EFCAB6: variants seen among roughly 807,000 people sequenced by gnomAD.
EFCAB6 encodes the protein EF-hand calcium binding domain 6.
Under a neutral mutation model 169.8 loss-of-function variants are expected in EFCAB6, and 156 were observed. That is an observed-to-expected ratio of 0.92 (90% confidence interval 0.81 to 1.05). EFCAB6 has a LOEUF of 1.05. EFCAB6 is among the 50% of genes least tolerant of loss of function. The probability of loss-of-function intolerance (pLI) is 0.00; values close to 1 mark genes in which losing one functional copy is unlikely to be tolerated. For synonymous variants in EFCAB6, 698 were observed against 676.4 expected, an observed-to-expected ratio of 1.03 and a Z score of -0.50; for missense variants, 1,800 against 1,829.1, an observed-to-expected ratio of 0.98 and a Z score of 0.29.
At chr22:43,785,950 A>T (rs1358255077) in intron 2 of EFCAB6, among the ~76,000 whole-genome samples, 1 of 152,238 alleles carries the variant, frequency 6.6e-6, no homozygotes, top group Non-Finnish European at 1.5e-5. Context: ...TAAAGAAAAA[A>T]CAGAAATCTA....
chr22:43,663,343 C>G (rs2057095434), intron 17 of EFCAB6, among the ~76,000 whole-genome samples: 1 of 152,226 alleles, frequency 6.6e-6, no homozygotes, highest in African/African-American at 2.4e-5. Flanking sequence ...TAAATCCTTT[C>G]TTTCTACTGC....
intron 20 of EFCAB6, among the ~76,000 whole-genome samples, chr22:43,621,766 G>T (rs912822096): frequency 6.6e-6 from 1 of 152,064 alleles, no homozygotes; most frequent in Non-Finnish European, 1.5e-5. Flanking sequence ...TCTTTTAAAA[G>T]ATCTGTGAAA....
intron 26 of EFCAB6, among the ~76,000 whole-genome samples, chr22:43,558,674 A>G (rs958515895): frequency 6.6e-6 from 1 of 152,218 alleles, no homozygotes; most frequent in African/African-American, 2.4e-5. Context: ...GGGACCCTCT[A>G]CTAGCAAAAA....
chr22:43,704,832 G>A (rs2058897235), intron 10 of EFCAB6, among the ~76,000 whole-genome samples: 1 of 151,908 alleles, frequency 6.6e-6, no homozygotes, highest in Non-Finnish European at 1.5e-5. Flanking sequence ...AAGAGAGGAA[G>A]AAAGAAAGAA....
At chr22:43,733,715 C>T (rs561915056) in intron 7 of EFCAB6, among the ~76,000 whole-genome samples, 2 of 152,054 alleles carry the variant, frequency 1.3e-5, no homozygotes, top group Admixed American at 1.3e-4. Context: ...CTCAGTCCCC[C>T]CTTTTTTTCT....
intron 10 of EFCAB6, among the ~76,000 whole-genome samples, chr22:43,689,295 G>C (rs2058315226): frequency 6.6e-6 from 1 of 151,804 alleles, no homozygotes; most frequent in Non-Finnish European, 1.5e-5. Flanking sequence ...GAGTTTCATG[G>C]GGATCAGACG....
chr22:43,673,001 C>T (rs1420595929), intron 13 of EFCAB6, among the ~76,000 whole-genome samples: 1 of 152,104 alleles, frequency 6.6e-6, no homozygotes, highest in South Asian at 2.1e-4. Context: ...GTATTTTTGC[C>T]TATCAGAATG....
chr22:43,657,360 G>C (rs1461418989), intron 17 of EFCAB6, among the ~76,000 whole-genome samples: 1 of 151,804 alleles, frequency 6.6e-6, no homozygotes, highest in Non-Finnish European at 1.5e-5. Context: ...TCAAAGGATA[G>C]ACTGAAGTCA....
chr22:43,753,707 A>G (rs369872558), intron 6 of EFCAB6, among the ~76,000 whole-genome samples: 7 of 152,308 alleles, frequency 4.6e-5, no homozygotes, highest in Admixed American at 6.5e-5. Flanking sequence ...TCATTGCAGA[A>G]GAAAACAATT....
Position 43,528,980 on chromosome 22 carries a change from A to G in EFCAB6, c.4384-5T>C. On this transcript the variant is annotated splice_polypyrimidine_tract_variant and splice_region_variant and intron_variant, in intron 31 of 31. Coordinates refer to ENST00000262726, the MANE Select transcript of EFCAB6 (RefSeq NM_022785.4). ...GATGCTGTACTGTCTCAGGACCTGG[A>G]AGACAGAGAAAAGGGGCCTCTGAGG... 1.9e-6 allele frequency: 3 copies of G among 1,569,546 alleles called. No homozygotes were observed. The highest frequency in any genetic ancestry group is 2.6e-6 in the Non-Finnish European group (3 of 1,145,906).
chr22:43,540,008 T>C (rs938993426), intron 28 of EFCAB6, 119 bp downstream of exon 28: 2 of 1,101,440 alleles, frequency 1.8e-6, no homozygotes, highest in Non-Finnish European at 1.3e-6. Flanking sequence ...CACCCCAGAC[T>C]CACCCGTCTT....
chr22:43,795,819 AACAC>A lies in EFCAB6; in HGVS notation c.-8+13172_-8+13175del, dbSNP rs140641457. ...GCCATTCAGACAGCACTCGCCTCCC[AACAC>A]ACACACACACACACACACTACACAC... On this transcript the variant is annotated intron_variant, in intron 2 of 31. Coordinates refer to ENST00000262726, the MANE Select transcript of EFCAB6 (RefSeq NM_022785.4). The surrounding 1 kb of genome is among the most constrained non-coding windows in gnomAD (Gnocchi z 4.2). Among the ~76,000 whole-genome samples, 130 of 148,884 alleles carry A rather than the reference AACAC, an allele frequency of 8.7e-4. No homozygotes were observed. Among genetic ancestry groups the A allele is most frequent in the South Asian group, 6.0e-3 (28 of 4,700 alleles).
chr22:43,538,085 T>G (rs549614139), intron 28 of EFCAB6, among the ~76,000 whole-genome samples: 15 of 152,298 alleles, frequency 9.8e-5, no homozygotes, highest in Middle Eastern at 3.4e-3. Flanking sequence ...TGACAAGTGG[T>G]TATCTAAATT....
rs1307439138 is a variant in EFCAB6 at position 43,795,448 on chromosome 22, AGC to A, written c.-7-13125_-7-13124del. Among the ~76,000 whole-genome samples, 6 of 152,186 alleles carry A rather than the reference AGC, an allele frequency of 3.9e-5. No individual in the cohort carries two copies. The East Asian group carries it at 1.2e-3, about 29-fold the overall frequency. ...ACCAGTGCCCACTAGGCAGGAGAGG[AGC>A]TGCCTCCTGCCCACATCTCCCCTCT... On this transcript the variant is annotated intron_variant, in intron 2 of 31. Transcript: ENST00000262726. The surrounding 1 kb of genome is among the most constrained non-coding windows in gnomAD (Gnocchi z 4.2).
chr22:43,617,116 G>A lies in EFCAB6; in HGVS notation c.2466-1194C>T, dbSNP rs1032109175. Reference sequence around the variant, plus strand: ...GGACTCTGCAGAATCATGGAATTTCGAGGGTGGAAAGGGATCCAAAGTTCA... The same window carrying A: ...GGACTCTGCAGAATCATGGAATTTCAAGGGTGGAAAGGGATCCAAAGTTCA... On this transcript the variant is annotated intron_variant, in intron 20 of 31. Transcript: ENST00000262726. 9.2e-5 allele frequency among the ~76,000 whole-genome samples: 14 copies of A among 152,324 alleles called. No homozygotes were observed. In the East Asian group the frequency reaches 1.9e-3, roughly 21 times the overall value.
intron 17 of EFCAB6, among the ~76,000 whole-genome samples, chr22:43,647,525 A>G (rs2056236826): frequency 6.6e-6 from 1 of 152,206 alleles, no homozygotes; most frequent in South Asian, 2.1e-4. Context: ...TAAGGGTTAT[A>G]CATTGTTGTC....
intron 22 of EFCAB6, among the ~76,000 whole-genome samples, chr22:43,605,575 G>A (rs367750583): frequency 6.9e-5 from 4 of 58,110 alleles, no homozygotes; most frequent in Admixed American, 2.2e-4. Flanking sequence ...CCTGGGAGGC[G>A]GAGGTTGCAG....
intron 11 of EFCAB6, among the ~76,000 whole-genome samples, chr22:43,686,928 T>A (rs8139264): frequency 0.46 from 70,550 of 151,978 alleles, 16,816 homozygotes; most frequent in African/African-American, 0.53. Context: ...TGGGGCCCCA[T>A]CACAAGATAT....
intron 13 of EFCAB6, among the ~76,000 whole-genome samples, chr22:43,676,436 AAG>A (rs1224833924): frequency 2.6e-5 from 4 of 151,754 alleles, no homozygotes; most frequent in African/African-American, 9.7e-5. Context: ...AAAAAAAAAA[AAG>A]AATGAGTTCA....
Sources: gnomAD v4.1 joint callset for allele counts (sites outside exome capture counted in the v4.1 genomes callset) on GRCh38, gnomAD v4.1.1 for gene constraint, Gnocchi (gnomAD v3.1) non-coding constraint, MANE v1.5 for transcripts, NCBI Gene and HGNC (gene_info 2026-07-23, HGNC 2026-07-21) for gene names.